The following PPP1R21 variants were observed in gnomAD, a reference collection of about 807,000 sequenced individuals.
The protein encoded by PPP1R21 is protein phosphatase 1 regulatory subunit 21.
In PPP1R21, 85 loss-of-function variants were observed where a neutral mutation model predicts 112.8. That is an observed-to-expected ratio of 0.75 (90% confidence interval 0.63 to 0.90). The LOEUF is 0.90. Among genes scored for constraint, PPP1R21 ranks in the 40% least tolerant of loss-of-function variants. The pLI, the probability that PPP1R21 is intolerant of heterozygous loss-of-function variation, is 0.00. For synonymous variants in PPP1R21, 381 were observed against 322.3 expected, an observed-to-expected ratio of 1.18 and a Z score of -1.95; for missense variants, 1,199 against 901.5, an observed-to-expected ratio of 1.33 and a Z score of -4.23.
intron 7 of PPP1R21, among the ~76,000 whole-genome samples, chr2:48,462,148 C>A (rs1370973933): frequency 6.6e-6 from 1 of 152,214 alleles, no homozygotes; most frequent in Non-Finnish European, 1.5e-5. Flanking sequence ...CCTTCTGAAT[C>A]ATGGATTTAT....
intron 17 of PPP1R21, 142 bp from the exon 18 acceptor site, chr2:48,505,422 A>G: frequency 1.6e-6 from 1 of 645,024 alleles, no homozygotes; most frequent in Non-Finnish European, 2.7e-6. Context: ...TCCTTGTAGT[A>G]AAAGACAGTC....
At chr2:48,478,549 C>T (rs969492349) in intron 12 of PPP1R21, among the ~76,000 whole-genome samples, 2 of 152,200 alleles carry the variant, frequency 1.3e-5, no homozygotes, top group African/African-American at 4.8e-5. Flanking sequence ...TGATTGCTCT[C>T]ATTTTCAAAA....
At chr2:48,486,265 A>G (rs1669292648) in intron 13 of PPP1R21, among the ~76,000 whole-genome samples, 1 of 152,172 alleles carries the variant, frequency 6.6e-6, no homozygotes, top group Non-Finnish European at 1.5e-5. Flanking sequence ...ATATAAATAC[A>G]AGATAATTTC....
chr2:48,479,791 C>G, intron 12 of PPP1R21, 133 bp from the exon 13 acceptor site: 1 of 669,612 alleles, frequency 1.5e-6, no homozygotes, highest in Non-Finnish European at 2.7e-6. Flanking sequence ...AATGTATCTG[C>G]CACGATTTTA....
chr2:48,470,584 A>T (rs970147737), intron 9 of PPP1R21, among the ~76,000 whole-genome samples: 1 of 152,110 alleles, frequency 6.6e-6, no homozygotes, highest in African/African-American at 2.4e-5. Flanking sequence ...ATTTGTTAAC[A>T]CCAAATATCG....
chr2:48,441,649 A>G lies in PPP1R21; in HGVS notation c.57+639A>G, dbSNP rs535511827. On this transcript the variant is annotated intron_variant, in intron 1 of 21. Transcript: ENST00000294952. ...GGGGCAGACACCCAGCGGGTGCTCA[A>G]TACACATTAAGCAACATGGGGACCT... Among the ~76,000 whole-genome samples, 21 of 152,334 alleles carry G rather than the reference A, an allele frequency of 1.4e-4. No individual in the cohort carries two copies. The South Asian group carries it at 3.9e-3, about 29-fold the overall frequency.
At chr2:48,510,330 T>C (rs1272590693) in intron 20 of PPP1R21, among the ~76,000 whole-genome samples, 3 of 152,266 alleles carry the variant, frequency 2.0e-5, no homozygotes, top group Non-Finnish European at 4.4e-5. Flanking sequence ...AATCATTTTA[T>C]AGTCGGCTTT....
At chr2:48,509,704 CAAAAAAAGAA>C (rs1388696919) in intron 19 of PPP1R21, among the ~76,000 whole-genome samples, 4 of 149,388 alleles carry the variant, frequency 2.7e-5, no homozygotes, top group Non-Finnish European at 5.9e-5. Context: ...GACTCCGTCT[CAAAAAAAGAA>C]AAAAAAAGAA....
chr2:48,508,550 G>T (rs79811555), intron 19 of PPP1R21, among the ~76,000 whole-genome samples: 1 of 152,284 alleles, frequency 6.6e-6, no homozygotes, highest in East Asian at 1.9e-4. Flanking sequence ...TGCAGGAAAG[G>T]GGGAGGACAG....
chr2:48,451,200 A>G, intron 2 of PPP1R21, 124 bp downstream of exon 2: 1 of 704,960 alleles, frequency 1.4e-6, no homozygotes, highest in Non-Finnish European at 2.5e-6. Context: ...GATAGGGGAC[A>G]GTAATACAGT....
chr2:48,460,028 C>T (rs925902549), intron 5 of PPP1R21, 67 bp from the exon 6 acceptor site: 26 of 1,600,554 alleles, frequency 1.6e-5, no homozygotes, highest in Non-Finnish European at 2.1e-5. Context: ...CCTGCAGGGT[C>T]TTACTAAGTG....
rs1668158238 is a variant in PPP1R21, at chr2:48,465,484, A to G, written c.748-9A>G. The G allele has an allele frequency of 8.1e-6, 13 of 1,601,104 alleles. No homozygotes were observed. The highest frequency in any genetic ancestry group is 1.1e-5 in the Non-Finnish European group (13 of 1,176,744). On this transcript the variant is annotated splice_polypyrimidine_tract_variant and intron_variant, in intron 8 of 21. Transcript: ENST00000294952. ...AGTTGACCTTAACTATATATTTTTC[A>G]TTTTAAAGCTGAAGATGCGAGATAT...
intron 12 of PPP1R21, among the ~76,000 whole-genome samples, chr2:48,476,049 T>A (rs979047352): frequency 2.0e-5 from 3 of 152,152 alleles, no homozygotes; most frequent in Non-Finnish European, 2.9e-5. Flanking sequence ...ACAGTAAATT[T>A]TGGAACACTT....
intron 15 of PPP1R21, among the ~76,000 whole-genome samples, chr2:48,494,414 TA>T (rs869060359): frequency 1.0e-3 from 7 of 6,750 alleles, no homozygotes; most frequent in Admixed American, 2.0e-3. Flanking sequence ...TATTTTATTT[TA>T]TTTATTTATT....
intron 13 of PPP1R21, among the ~76,000 whole-genome samples, chr2:48,482,907 G>A (rs1669089212): frequency 6.6e-6 from 1 of 151,876 alleles, no homozygotes; most frequent in Non-Finnish European, 1.5e-5. Flanking sequence ...GCATCCATTT[G>A]CCATTCTTCC....
intron 17 of PPP1R21, among the ~76,000 whole-genome samples, chr2:48,504,793 A>G (rs1466140809): frequency 1.3e-5 from 2 of 152,182 alleles, no homozygotes; most frequent in Non-Finnish European, 2.9e-5. Flanking sequence ...AATCATGACC[A>G]TCTGTTTTTG....
chr2:48,514,656 T>G, intron 21 of PPP1R21, 59 bp from the exon 22 acceptor site: 1 of 1,272,878 alleles, frequency 7.9e-7, no homozygotes, highest in South Asian at 1.2e-5. Flanking sequence ...GTTTATAAAC[T>G]ATGTGAGTTA....
chr2:48,460,111 T>C lies in PPP1R21; in HGVS notation c.557T>C (p.Leu186Pro). 6.2e-7 allele frequency: 1 copy of C among 1,614,146 alleles called. No individual in the cohort carries two copies. The highest frequency in any genetic ancestry group is 8.5e-7 in the Non-Finnish European group (1 of 1,180,022). The stretch of plus-strand genomic sequence containing the variant: ...GAAATTCAGGTGAAATCTCAGACTC[T>C]AGAAAAGGAAGCCAAGGAATGTCGA... The part of the protein sequence containing the change: ...KAKLEVKSQT[L>P]EKEAKECRLR... The change falls in exon 6 of 22, where the codon CTA (leucine) becomes CCA (proline). Residue 186 changes from leucine (L) to proline (P), a missense_variant. Physicochemically the swap from Leu to Pro is moderately conservative, Grantham distance 98. Coordinates refer to ENST00000294952, the MANE Select transcript of PPP1R21 (RefSeq NM_001135629.3).
intron 1 of PPP1R21, among the ~76,000 whole-genome samples, chr2:48,448,656 A>G (rs1448111603): frequency 2.7e-5 from 4 of 149,752 alleles, no homozygotes; most frequent in African/African-American, 7.4e-5. Flanking sequence ...TTTTTTGGCT[A>G]TATGGATTTG....
Sources: gnomAD v4.1 joint callset for allele counts (sites outside exome capture counted in the v4.1 genomes callset) on GRCh38, gnomAD v4.1.1 for gene constraint, MANE v1.5 for transcripts, NCBI Gene and HGNC (gene_info 2026-07-23, HGNC 2026-07-21) for gene names.